SMARCA2: variants seen among roughly 807,000 people sequenced by gnomAD.
SMARCA2 encodes the protein SWI/SNF-related matrix-associated actin-dependent regulator of chromatin subfamily A member 2.
A neutral mutation model predicts 199.8 loss-of-function variants in SMARCA2; 61 were observed. That is an observed-to-expected ratio of 0.31 (90% CI 0.25 to 0.38). SMARCA2 has a LOEUF of 0.38. Ranked by LOEUF, SMARCA2 falls within the 10% of genes least tolerant of loss-of-function variation. The pLI is 1.00. For missense variants in SMARCA2, 1,344 were observed against 2,012.2 expected, an observed-to-expected ratio of 0.67 and a Z score of 6.35; for synonymous variants, 935 against 732.0, an observed-to-expected ratio of 1.28 and a Z score of -4.48.
At chr9:2,144,248 G>A (rs1241188140) in intron 27 of SMARCA2, among the ~76,000 whole-genome samples, 3 of 152,166 alleles carry the variant, frequency 2.0e-5, no homozygotes, top group Admixed American at 6.5e-5. Flanking sequence ...TCTTTTCTGA[G>A]ATAATGAAAT....
At chr9:2,083,760 C>G (rs375450359) in intron 16 of SMARCA2, among the ~76,000 whole-genome samples, 6 of 152,244 alleles carry the variant, frequency 3.9e-5, no homozygotes, top group African/African-American at 1.4e-4. Context: ...CCCGGATGCC[C>G]GGGGCTGCCT....
intron 27 of SMARCA2, among the ~76,000 whole-genome samples, chr9:2,152,615 G>T (rs1459994928): frequency 6.6e-6 from 1 of 151,962 alleles, no homozygotes; most frequent in African/African-American, 2.4e-5. Context: ...GCTTTGGGAG[G>T]CTGAGGTGGG....
At chr9:2,148,801 G>A (rs1448328361) in intron 27 of SMARCA2, among the ~76,000 whole-genome samples, 1 of 151,348 alleles carries the variant, frequency 6.6e-6, no homozygotes, top group African/African-American at 2.4e-5. Context: ...GAGCCACGGT[G>A]CCCAGCTTGT....
intron 21 of SMARCA2, among the ~76,000 whole-genome samples, chr9:2,099,086 G>T (rs1261685109): frequency 2.0e-5 from 3 of 152,154 alleles, no homozygotes; most frequent in Non-Finnish European, 4.4e-5. Context: ...GTTGTAATGT[G>T]CTTGATTTGT....
At chr9:2,183,124 A>G (rs945206793) in intron 31 of SMARCA2, among the ~76,000 whole-genome samples, 3 of 152,210 alleles carry the variant, frequency 2.0e-5, no homozygotes, top group African/African-American at 7.2e-5. Context: ...GGAGGGATTC[A>G]AGTAAATCAT....
At chr9:2,178,658 A>T (rs1379850573) in intron 29 of SMARCA2, among the ~76,000 whole-genome samples, 1 of 152,040 alleles carries the variant, frequency 6.6e-6, no homozygotes, top group East Asian at 2.0e-4. Context: ...AGCTCAAATT[A>T]GAGAAAGAAA....
rs564017249 is a variant in SMARCA2, at chr9:2,107,172, A to G, written c.3292+3003A>G. 2.9e-3 allele frequency among the ~76,000 whole-genome samples: 446 copies of G among 152,350 alleles called. 1 individual carries two copies. The highest frequency in any genetic ancestry group is 0.02 in the Middle Eastern group (6 of 294). ...AAAAGATTGCTGATGATCAGCAAAG[A>G]TCTTGACTTGGAAATCTTTGACAGA... On this transcript the variant is annotated intron_variant, in intron 23 of 33. Coordinates refer to ENST00000349721, the MANE Select transcript of SMARCA2 (RefSeq NM_003070.5).
chr9:2,190,628 ATC>A (rs1491288003), intron 32 of SMARCA2, among the ~76,000 whole-genome samples: 1 of 139,884 alleles, frequency 7.1e-6, no homozygotes, highest in East Asian at 2.3e-4. Flanking sequence ...AATATGTAGA[ATC>A]ACACACACAC....
In SMARCA2 at chr9:2,084,370, CTG is replaced by C. The variant is rs3057851; in HGVS notation, c.2526+220_2526+221del. ...GGTCGTGGATTTGATTTCATGCATG[CTG>C]TGTGTGTGTGTGTGTGTGTGTGTGT... On this transcript the variant is annotated intron_variant, in intron 17 of 33. Coordinates refer to ENST00000349721, the MANE Select transcript of SMARCA2 (RefSeq NM_003070.5). 0.13 allele frequency among the ~76,000 whole-genome samples: 17,491 copies of C among 132,066 alleles called. 1,053 individuals are homozygous for C. Among genetic ancestry groups the C allele is most frequent in the African/African-American group, 0.17 (5,873 of 34,320 alleles). The allele number at this position is 132,066 out of a possible 152,430, so 86.6% of individuals were successfully genotyped here.
chr9:2,070,269 A>G (rs894035311), intron 9 of SMARCA2, 149 bp from the exon 10 acceptor site: 2 of 716,410 alleles, frequency 2.8e-6, no homozygotes, highest in Non-Finnish European at 5.1e-6. Context: ...CTCAGCAAAG[A>G]CAAATGAACA....
intron 27 of SMARCA2, among the ~76,000 whole-genome samples, chr9:2,151,962 C>G (rs147341106): frequency 6.6e-6 from 1 of 151,764 alleles, no homozygotes; most frequent in East Asian, 1.9e-4. Flanking sequence ...GTTTAAAAAT[C>G]CTGCTTAGTG....
chr9:2,064,071 A>G (rs1820719867), intron 9 of SMARCA2, among the ~76,000 whole-genome samples: 1 of 152,204 alleles, frequency 6.6e-6, no homozygotes, highest in Non-Finnish European at 1.5e-5. Flanking sequence ...ATGTTACAAG[A>G]TGAATGTGCT....
At chr9:2,116,329 T>C (rs1450402285) in intron 25 of SMARCA2, among the ~76,000 whole-genome samples, 1 of 152,220 alleles carries the variant, frequency 6.6e-6, no homozygotes, top group East Asian at 1.9e-4. Flanking sequence ...CCATCAGTGC[T>C]GCCTTCTGTA....
chr9:2,092,089 A>G (rs1822086172), intron 19 of SMARCA2, among the ~76,000 whole-genome samples: 1 of 152,232 alleles, frequency 6.6e-6, no homozygotes, highest in Non-Finnish European at 1.5e-5. Flanking sequence ...GGGATTATGT[A>G]AGAACAACTT....
At chr9:2,125,538 A>G (rs1039484274) in intron 27 of SMARCA2, among the ~76,000 whole-genome samples, 4 of 141,182 alleles carry the variant, frequency 2.8e-5, no homozygotes, top group African/African-American at 1.1e-4. Context: ...CACTGAGGCT[A>G]TAGTGCAATG....
At chr9:2,183,663 C>T (rs1324198) in intron 31 of SMARCA2, among the ~76,000 whole-genome samples, 98,124 of 152,024 alleles carry the variant, frequency 0.65, 31,975 homozygotes, top group South Asian at 0.72. Context: ...TCAGAATGTG[C>T]CTTGAACAGA....
chr9:2,136,264 T>G (rs776348234), intron 27 of SMARCA2, among the ~76,000 whole-genome samples: 2 of 150,806 alleles, frequency 1.3e-5, no homozygotes, highest in Non-Finnish European at 3.0e-5. Context: ...CTTGGCTCAC[T>G]GCAACCTGCG....
chr9:2,050,608 T>G (rs1246542276), intron 5 of SMARCA2, among the ~76,000 whole-genome samples: 1 of 151,714 alleles, frequency 6.6e-6, no homozygotes, highest in Non-Finnish European at 1.5e-5. Flanking sequence ...GAAGCAGGCA[T>G]AGGCTGCTTA....
At chr9:2,028,249 C>G (rs1818917460) in intron 1 of SMARCA2, among the ~76,000 whole-genome samples, 1 of 152,184 alleles carries the variant, frequency 6.6e-6, no homozygotes. Context: ...CTTAAACTGT[C>G]CCTCCTGATC....
Sources: gnomAD v4.1 joint callset for allele counts (sites outside exome capture counted in the v4.1 genomes callset) on GRCh38, gnomAD v4.1.1 for gene constraint, MANE v1.5 for transcripts, NCBI Gene and HGNC (gene_info 2026-07-23, HGNC 2026-07-21) for gene names.